The following FLVCR2 variants were observed in gnomAD, a reference collection of about 807,000 sequenced individuals.
The protein encoded by FLVCR2 is FLVCR choline and putative heme transporter 2.
In FLVCR2, 38 loss-of-function variants were observed where a neutral mutation model predicts 48.9. The observed-to-expected ratio is 0.78, with a 90% confidence interval of 0.60 to 1.02. The LOEUF (loss-of-function observed/expected upper bound fraction) is 1.02, where lower values mean the gene tolerates loss of function less well. Among genes scored for constraint, FLVCR2 ranks in the 50% least tolerant of loss-of-function variants. The pLI, the probability that FLVCR2 is intolerant of heterozygous loss-of-function variation, is 0.00. For synonymous variants in FLVCR2, 255 were observed against 257.0 expected, an observed-to-expected ratio of 0.99 and a Z score of 0.07; for missense variants, 664 against 663.3, an observed-to-expected ratio of 1.00 and a Z score of -0.01.
At chr14:75,598,533 A>G (rs1876617297) in intron 1 of FLVCR2, among the ~76,000 whole-genome samples, 1 of 152,152 alleles carries the variant, frequency 6.6e-6, no homozygotes, top group South Asian at 2.1e-4. Context: ...GCTGGAATGC[A>G]GTGGCACAGT....
At chr14:75,632,099 G>A (rs1890057700) in intron 3 of FLVCR2, among the ~76,000 whole-genome samples, 1 of 152,154 alleles carries the variant, frequency 6.6e-6, no homozygotes, top group Non-Finnish European at 1.5e-5. Context: ...ACCTGAGCTG[G>A]GAAAATCTGA....
chr14:75,633,691 T>C lies in FLVCR2; in HGVS notation c.1015T>C (p.Tyr339His). 1.9e-6 allele frequency: 3 copies of C among 1,612,980 alleles called. No homozygotes were observed. Among genetic ancestry groups the C allele is most frequent in the Non-Finnish European group, 2.5e-6 (3 of 1,178,908 alleles). The change falls in exon 4 of 10, where the codon TAC becomes CAC. Residue 339 changes from tyrosine to histidine, a missense_variant. By Grantham distance (83) the Tyr-to-His change is moderately conservative. Coordinates refer to ENST00000238667, the MANE Select transcript of FLVCR2 (RefSeq NM_017791.3). ...TLLNRMVIWH[Y>H]PGEEVNAGRI... The stretch of plus-strand genomic sequence containing the variant: ...TCTGAATCGCATGGTGATCTGGCAC[T>C]ACCCGGTAAGGGAGTTCCCTAAGCA...
At chr14:75,589,753 G>C (rs1486325405) in intron 1 of FLVCR2, among the ~76,000 whole-genome samples, 1 of 152,214 alleles carries the variant, frequency 6.6e-6, no homozygotes, top group African/African-American at 2.4e-5. Context: ...TGCATTATAT[G>C]CGCCTGCAGA....
At chr14:75,640,915 G>C (rs765983942) in intron 6 of FLVCR2, 40 bp from the exon 7 acceptor site, 11 of 1,432,870 alleles carry the variant, frequency 7.7e-6, no homozygotes, top group Non-Finnish European at 1.1e-5. Flanking sequence ...TCTTGTTCTG[G>C]AAGTTCTTCA....
intron 3 of FLVCR2, 71 bp from the exon 4 acceptor site, chr14:75,633,558 T>G: frequency 8.2e-7 from 1 of 1,217,704 alleles, no homozygotes; most frequent in South Asian, 1.2e-5. Context: ...CCCCAAATGC[T>G]GGGGGAGAAG....
intron 9 of FLVCR2, among the ~76,000 whole-genome samples, chr14:75,645,839 A>G (rs1890408156): frequency 6.7e-6 from 1 of 149,212 alleles, no homozygotes; most frequent in Non-Finnish European, 1.5e-5. Context: ...AATCACTTGA[A>G]CCTGGGAGGC....
At position 75,578,914 on chromosome 14, in the gene FLVCR2, TC is replaced by T; in HGVS notation, c.-56del. The T allele has an allele frequency of 3.3e-6, 5 of 1,506,734 alleles. No homozygotes were observed. Among genetic ancestry groups the T allele is most frequent in the Non-Finnish European group, 4.6e-6 (5 of 1,082,870 alleles). 93.3% of individuals were successfully genotyped at this position (1,506,734 alleles called of 1,614,324 possible). On this transcript the variant is annotated 5_prime_UTR_variant, in exon 1 of 10. Transcript: ENST00000238667. ...TCTAAGAGACCAGCAGAGGCCACTG[TC>T]CCTTAAGACTGCCGGAGTCCTCACC...
chr14:75,617,037 T>C (rs1319087350), intron 1 of FLVCR2, among the ~76,000 whole-genome samples: 1 of 152,178 alleles, frequency 6.6e-6, no homozygotes, highest in African/African-American at 2.4e-5. Context: ...TCTGATTCAA[T>C]TGTGACTTAG....
At chr14:75,645,032 T>G (rs1228538407) in intron 9 of FLVCR2, among the ~76,000 whole-genome samples, 2 of 36,664 alleles carry the variant, frequency 5.5e-5, no homozygotes, top group African/African-American at 1.4e-4. Context: ...GAGGCGGGCG[T>G]GGTGTGTGTG....
intron 1 of FLVCR2, among the ~76,000 whole-genome samples, chr14:75,588,820 A>G (rs1283287531): frequency 3.3e-5 from 5 of 152,198 alleles, no homozygotes; most frequent in Admixed American, 3.3e-4. Context: ...AAACCATAGT[A>G]TTCTCTCCAT....
chr14:75,614,567 T>G (rs2140030376), intron 1 of FLVCR2, among the ~76,000 whole-genome samples: 1 of 152,070 alleles, frequency 6.6e-6, no homozygotes. Flanking sequence ...GATGGGAAGG[T>G]TGGAATCATG....
At chr14:75,641,398 G>T in intron 8 of FLVCR2, 105 bp downstream of exon 8, 1 of 771,770 alleles carries the variant, frequency 1.3e-6, no homozygotes, top group Non-Finnish European at 2.3e-6. Flanking sequence ...GGGACAGATG[G>T]AAGGGTTTGT....
chr14:75,582,883 T>C (rs559064267), intron 1 of FLVCR2, among the ~76,000 whole-genome samples: 8 of 152,270 alleles, frequency 5.3e-5, no homozygotes, highest in Admixed American at 4.6e-4. Flanking sequence ...AAAGAAGTTG[T>C]TTTGTAGAAG....
At chr14:75,617,937 G>A (rs1179208232) in intron 1 of FLVCR2, among the ~76,000 whole-genome samples, 2 of 152,194 alleles carry the variant, frequency 1.3e-5, no homozygotes, top group East Asian at 3.8e-4. Flanking sequence ...GGCAGAGAGA[G>A]ATTCTAGTCC....
intron 1 of FLVCR2, among the ~76,000 whole-genome samples, chr14:75,582,289 T>A (rs1352896310): frequency 1.3e-5 from 2 of 152,106 alleles, no homozygotes; most frequent in East Asian, 3.9e-4. Flanking sequence ...TATAACAGCA[T>A]GGTGGTGTAG....
At chr14:75,608,342 G>A (rs895301590) in intron 1 of FLVCR2, among the ~76,000 whole-genome samples, 2 of 152,162 alleles carry the variant, frequency 1.3e-5, no homozygotes, top group African/African-American at 4.8e-5. Flanking sequence ...TGAGCTGTTC[G>A]GCGGCTCCAG....
intron 1 of FLVCR2, among the ~76,000 whole-genome samples, chr14:75,584,377 A>ACC (rs1888686498): frequency 6.6e-6 from 1 of 152,158 alleles, no homozygotes; most frequent in African/African-American, 2.4e-5. Context: ...CTTTTTTCTA[A>ACC]CATCAGGAGC....
chr14:75,633,562 G>A (rs1187214019), intron 3 of FLVCR2, 67 bp from the exon 4 acceptor site: 4 of 1,252,364 alleles, frequency 3.2e-6, no homozygotes, highest in South Asian at 1.2e-5. Context: ...AAATGCTGGG[G>A]GAGAAGTTAG....
intron 1 of FLVCR2, among the ~76,000 whole-genome samples, chr14:75,581,498 C>T (rs1888605265): frequency 6.6e-6 from 1 of 152,096 alleles, no homozygotes; most frequent in South Asian, 2.1e-4. Context: ...ATACCAAGAG[C>T]CTGAGAAACT....
Sources: gnomAD v4.1 joint callset for allele counts (sites outside exome capture counted in the v4.1 genomes callset) on GRCh38, gnomAD v4.1.1 for gene constraint, MANE v1.5 for transcripts, NCBI Gene and HGNC (gene_info 2026-07-23, HGNC 2026-07-21) for gene names.